The following SMCO4 variants were observed in gnomAD, a reference collection of about 807,000 sequenced individuals.
The protein encoded by SMCO4 is single-pass membrane and coiled-coil domain-containing protein 4.
SMCO4 carries 4 observed loss-of-function variants against 3.6 expected under a neutral mutation model. That is an observed-to-expected ratio of 1.11 (90% confidence interval 0.54 to 2.53). The LOEUF is 2.53. Among genes scored for constraint, SMCO4 ranks in the 30% most tolerant of loss-of-function variants. The pLI, the probability that SMCO4 is intolerant of heterozygous loss-of-function variation, is 0.02. For missense variants in SMCO4, 70 were observed against 80.8 expected (o/e 0.87, Z 0.51); for synonymous variants, 36 against 35.3 (o/e 1.02, Z -0.07).
upstream of SMCO4, among the ~76,000 whole-genome samples, chr11:93,545,811 C>G (rs1949312313): frequency 6.6e-6 from 1 of 152,174 alleles, no homozygotes; most frequent in African/African-American, 2.4e-5. Context: ...GCTACTGGGA[C>G]ATGAACAAAT....
intron 2 of SMCO4, among the ~76,000 whole-genome samples, chr11:93,485,062 T>G (rs1486817360): frequency 6.6e-6 from 1 of 152,240 alleles, no homozygotes; most frequent in Non-Finnish European, 1.5e-5. Flanking sequence ...GTTGAAATAA[T>G]GTTTTGAATA....
At chr11:93,507,126 C>T (rs1368648180) in intron 1 of SMCO4, among the ~76,000 whole-genome samples, 7 of 152,080 alleles carry the variant, frequency 4.6e-5, no homozygotes, top group Middle Eastern at 3.2e-3. Context: ...ACTTCGGGGC[C>T]GGGTGCGGTG....
intron 1 of SMCO4, among the ~76,000 whole-genome samples, chr11:93,528,048 A>G (rs1949126676): frequency 6.6e-6 from 1 of 151,694 alleles, no homozygotes; most frequent in Admixed American, 6.6e-5. Context: ...ATCCTAATAA[A>G]TAATAATTAA....
chr11:93,504,382 A>G (rs886511701), intron 1 of SMCO4, among the ~76,000 whole-genome samples: 13 of 152,356 alleles, frequency 8.5e-5, no homozygotes, highest in African/African-American at 3.1e-4. Flanking sequence ...GGCTTCTTTG[A>G]AGAGGATAAC....
intron 1 of SMCO4, chr11:93,535,656 GA>G: frequency 6.2e-7 from 1 of 1,606,748 alleles, no homozygotes; most frequent in Non-Finnish European, 8.5e-7. Flanking sequence ...CTACCGATGG[GA>G]AAAAGAAGAT....
intron 2 of SMCO4, among the ~76,000 whole-genome samples, chr11:93,485,062 T>A (rs1486817360): frequency 1.3e-5 from 2 of 152,240 alleles, no homozygotes. Context: ...GTTGAAATAA[T>A]GTTTTGAATA....
Position 93,478,941 on chromosome 11 carries a change from A to ATTTTT in SMCO4, c.*64_*68dup. On this transcript the variant is annotated 3_prime_UTR_variant, in exon 3 of 3. Transcript: ENST00000298966. Reference sequence around the variant, plus strand: ...ATGAACATCTCTGAATATGAAAGCCATTTTTTGTTTGCGTCCCCCTCCCGC... The same window carrying ATTTTT: ...ATGAACATCTCTGAATATGAAAGCCATTTTTTTTTTTGTTTGCGTCCCCCTCCCGC... The ATTTTT allele has an allele frequency of 1.3e-6, 2 of 1,524,798 alleles. No homozygotes were observed. Among genetic ancestry groups the ATTTTT allele is most frequent in the South Asian group, 1.2e-5 (1 of 80,418 alleles). 94.5% of individuals were successfully genotyped at this position (1,524,798 alleles called of 1,614,324 possible). A position where few individuals can be genotyped will look rare whatever the true frequency, so the allele number is the denominator to read the frequency against.
chr11:93,500,316 G>C (rs1049410921), intron 1 of SMCO4, among the ~76,000 whole-genome samples: 1 of 152,208 alleles, frequency 6.6e-6, no homozygotes, highest in African/African-American at 2.4e-5. Context: ...GTTCATGTTA[G>C]TGGTTGGTAC....
chr11:93,482,760 C>T (rs1285075853), intron 2 of SMCO4, among the ~76,000 whole-genome samples: 5 of 152,334 alleles, frequency 3.3e-5, no homozygotes, highest in African/African-American at 1.2e-4. Context: ...CAGTGCAGAG[C>T]TGGCTGACAC....
chr11:93,493,671 C>G (rs1948744205), intron 2 of SMCO4, among the ~76,000 whole-genome samples: 1 of 152,216 alleles, frequency 6.6e-6, no homozygotes, highest in African/African-American at 2.4e-5. Context: ...GTCAACAAAA[C>G]AGGGTACAGA....
the SMCO4 span, among the ~76,000 whole-genome samples, chr11:93,548,554 A>T: frequency 6.6e-6 from 1 of 152,130 alleles, no homozygotes; most frequent in African/African-American, 2.4e-5. Flanking sequence ...AGTGGTTAAA[A>T]CATGGGGTTA....
intron 1 of SMCO4, among the ~76,000 whole-genome samples, chr11:93,505,024 G>A (rs1948885918): frequency 6.6e-6 from 1 of 152,164 alleles, no homozygotes; most frequent in African/African-American, 2.4e-5. Flanking sequence ...ATATGTACAA[G>A]TACTTATTAA....
chr11:93,494,112 T>C (rs1591307781), intron 2 of SMCO4, among the ~76,000 whole-genome samples: 1 of 152,176 alleles, frequency 6.6e-6, no homozygotes, highest in African/African-American at 2.4e-5. Flanking sequence ...CCACTGTCCA[T>C]GGAGGCAAGG....
At chr11:93,533,121 C>T (rs1462726327) in intron 1 of SMCO4, among the ~76,000 whole-genome samples, 1 of 152,176 alleles carries the variant, frequency 6.6e-6, no homozygotes, top group East Asian at 1.9e-4. Context: ...TTGGATCTTG[C>T]TCATTTATTC....
chr11:93,481,544 C>T (rs907878847), intron 2 of SMCO4: 8 of 984,204 alleles, frequency 8.1e-6, no homozygotes, highest in African/African-American at 1.7e-5. Flanking sequence ...CACACCCCAA[C>T]GGCCCTGTGA....
At chr11:93,527,861 A>G (rs1949124117) in intron 1 of SMCO4, among the ~76,000 whole-genome samples, 1 of 152,148 alleles carries the variant, frequency 6.6e-6, no homozygotes, top group African/African-American at 2.4e-5. Context: ...TGTAGCCCTC[A>G]AACTCCTGGG....
intron 1 of SMCO4, among the ~76,000 whole-genome samples, chr11:93,527,462 G>C (rs1277667963): frequency 6.6e-6 from 1 of 152,094 alleles, no homozygotes; most frequent in African/African-American, 2.4e-5. Context: ...AGTTGAAAAG[G>C]CAATTTTTTT....
the SMCO4 span, among the ~76,000 whole-genome samples, chr11:93,551,748 A>T: frequency 6.6e-6 from 1 of 152,168 alleles, no homozygotes; most frequent in Admixed American, 6.5e-5. Context: ...TTCAACAAAC[A>T]CCTGTTTAAT....
intron 1 of SMCO4, among the ~76,000 whole-genome samples, chr11:93,502,294 C>G (rs975427711): frequency 6.6e-6 from 1 of 152,070 alleles, no homozygotes; most frequent in Non-Finnish European, 1.5e-5. Flanking sequence ...CTAGCATTAC[C>G]CTGCTACTAA....
Sources: gnomAD v4.1 joint callset for allele counts (sites outside exome capture counted in the v4.1 genomes callset) on GRCh38, gnomAD v4.1.1 for gene constraint, MANE v1.5 for transcripts, NCBI Gene and HGNC (gene_info 2026-07-23, HGNC 2026-07-21) for gene names.